TRIM44: variants seen among roughly 807,000 people sequenced by gnomAD.
TRIM44 encodes the protein tripartite motif containing 44.
Under a neutral mutation model 37.4 loss-of-function variants are expected in TRIM44, and 13 were observed. The ratio of observed to expected loss-of-function variants is 0.35; its 90% CI spans 0.23 to 0.55. The LOEUF is 0.55. Ranked by LOEUF, TRIM44 falls within the 20% of genes least tolerant of loss-of-function variation. TRIM44 has a pLI of 0.89. For missense variants in TRIM44, 426 were observed against 437.2 expected, an observed-to-expected ratio of 0.97 and a Z score of 0.23; for synonymous variants, 175 against 157.2, an observed-to-expected ratio of 1.11 and a Z score of -0.85.
At chr11:35,686,602 G>A (rs1165693574) in intron 2 of TRIM44, among the ~76,000 whole-genome samples, 1 of 152,020 alleles carries the variant, frequency 6.6e-6, no homozygotes, top group Non-Finnish European at 1.5e-5. Flanking sequence ...TGATGCCCAG[G>A]TTGGAGTGCA....
chr11:35,685,563 C>T (rs1851565240), intron 2 of TRIM44, among the ~76,000 whole-genome samples: 1 of 152,250 alleles, frequency 6.6e-6, no homozygotes, highest in African/African-American at 2.4e-5. Context: ...TTTCCCTGAA[C>T]TGCAGACAGG....
chr11:35,769,135 G>A (rs975811108), intron 4 of TRIM44, among the ~76,000 whole-genome samples: 4 of 152,134 alleles, frequency 2.6e-5, no homozygotes, highest in Admixed American at 1.3e-4. Flanking sequence ...ACCTGACCCA[G>A]TTCATTGATG....
intron 4 of TRIM44, among the ~76,000 whole-genome samples, chr11:35,792,241 G>A (rs1223616926): frequency 2.6e-5 from 4 of 152,218 alleles, no homozygotes; most frequent in East Asian, 1.9e-4. Flanking sequence ...TTTGTCAGTC[G>A]TTTTCACTGC....
In TRIM44 at chr11:35,816,497, G is replaced by A. The variant is rs1590621238; in HGVS notation, c.*10112G>A. On this transcript the variant is annotated 3_prime_UTR_variant, in exon 5 of 5. Coordinates refer to ENST00000299413, the MANE Select transcript of TRIM44 (RefSeq NM_017583.6). The stretch of plus-strand genomic sequence containing the variant: ...TAATACAATGTAATTGATTTTATGT[G>A]TGTAATTGGGGAACAGAAGGGTCTC... 1 of 152,192 alleles carries A rather than the reference G, an allele frequency of 6.6e-6. No homozygotes were observed. Among genetic ancestry groups the A allele is most frequent in the Non-Finnish European group, 1.5e-5 (1 of 68,028 alleles). The allele number at this position is 152,192 out of a possible 1,614,324, so 9.4% of individuals were successfully genotyped here. A position where few individuals can be genotyped will look rare whatever the true frequency, so the allele number is the denominator to read the frequency against.
chr11:35,792,072 TACACACACACAC>T (rs57127722), intron 4 of TRIM44, among the ~76,000 whole-genome samples: 53 of 136,758 alleles, frequency 3.9e-4, no homozygotes, highest in Middle Eastern at 3.6e-3. Flanking sequence ...GAGTTGCCCC[TACACACACACAC>T]ACACACACAC....
At chr11:35,670,142 C>G (rs1564939068) in intron 1 of TRIM44, among the ~76,000 whole-genome samples, 1 of 152,178 alleles carries the variant, frequency 6.6e-6, no homozygotes, top group Non-Finnish European at 1.5e-5. Flanking sequence ...ATGTTTTACT[C>G]TGAGCATGCC....
At chr11:35,696,786 G>A (rs1446108766) in intron 2 of TRIM44, among the ~76,000 whole-genome samples, 1 of 151,616 alleles carries the variant, frequency 6.6e-6, no homozygotes, top group Non-Finnish European at 1.5e-5. Context: ...GGCGGAGGTT[G>A]CGGTGAGCCG....
chr11:35,797,765 C>T lies in TRIM44; in HGVS notation c.1008-8593C>T, dbSNP rs1159419174. The stretch of plus-strand genomic sequence containing the variant: ...AGAAAAGTCTGAGAAACTGTCAGAG[C>T]CGAGAGGAGCCTATGGAAACTTAAT... On this transcript the variant is annotated intron_variant, in intron 4 of 4. Transcript: ENST00000299413. Among the ~76,000 whole-genome samples the T allele has an allele frequency of 3.3e-5, 5 of 152,100 alleles. No homozygotes were observed. The East Asian group carries it at 9.6e-4, about 29-fold the overall frequency.
intron 1 of TRIM44, among the ~76,000 whole-genome samples, chr11:35,676,653 A>G (rs1166055929): frequency 6.6e-6 from 1 of 152,168 alleles, no homozygotes; most frequent in East Asian, 1.9e-4. Context: ...TTCTGGTTGG[A>G]AAATAGCCTT....
chr11:35,777,354 C>T (rs1244901538), intron 4 of TRIM44, among the ~76,000 whole-genome samples: 1 of 152,138 alleles, frequency 6.6e-6, no homozygotes, highest in Non-Finnish European at 1.5e-5. Context: ...TGTGTCTCTG[C>T]ATGTGAGATG....
intron 4 of TRIM44, among the ~76,000 whole-genome samples, chr11:35,789,773 TC>T (rs760251404): frequency 4.6e-5 from 7 of 152,196 alleles, no homozygotes; most frequent in Non-Finnish European, 1.0e-4. Context: ...TTTACACTGT[TC>T]CTTCTGCCTG....
At chr11:35,717,949 C>T (rs1487621473) in intron 2 of TRIM44, among the ~76,000 whole-genome samples, 1 of 152,016 alleles carries the variant, frequency 6.6e-6, no homozygotes, top group Non-Finnish European at 1.5e-5. Context: ...AGATTTGTCT[C>T]TAATCACATC....
At chr11:35,707,445 C>T (rs1043958694) in intron 2 of TRIM44, among the ~76,000 whole-genome samples, 13 of 152,058 alleles carry the variant, frequency 8.5e-5, no homozygotes, top group South Asian at 4.1e-4. Context: ...AAAAAGAGCC[C>T]GCATCACCAA....
intron 1 of TRIM44, among the ~76,000 whole-genome samples, chr11:35,673,936 A>G (rs1259053831): frequency 6.6e-6 from 1 of 151,886 alleles, no homozygotes; most frequent in East Asian, 2.0e-4. Flanking sequence ...ATTCATCTGT[A>G]TCAGTGCCTC....
At chr11:35,701,611 C>T (rs1349007861) in intron 2 of TRIM44, among the ~76,000 whole-genome samples, 5 of 152,130 alleles carry the variant, frequency 3.3e-5, no homozygotes, top group Admixed American at 3.3e-4. Context: ...GTTACAAGGT[C>T]GAGCTCCCAA....
At chr11:35,792,111 A>ACACACACACACT (rs796092540) in intron 4 of TRIM44, among the ~76,000 whole-genome samples, 4,506 of 113,888 alleles carry the variant, frequency 0.04, 98 homozygotes, top group African/African-American at 0.053. Flanking sequence ...ACACACACAC[A>ACACACACACACT]CTCTCTCTCA....
At chr11:35,769,496 C>A (rs1264221493) in intron 4 of TRIM44, among the ~76,000 whole-genome samples, 1 of 152,126 alleles carries the variant, frequency 6.6e-6, no homozygotes, top group Non-Finnish European at 1.5e-5. Flanking sequence ...TTCTGATGTG[C>A]ATGTTCAGGA....
rs564374051 is a variant in TRIM44 at position 35,799,810 on chromosome 11, G to T, written c.1008-6548G>T. 2.0e-5 allele frequency among the ~76,000 whole-genome samples: 3 copies of T among 152,286 alleles called. No individual in the cohort carries two copies. The South Asian group carries it at 6.2e-4, about 32-fold the overall frequency. On this transcript the variant is annotated intron_variant, in intron 4 of 4. Coordinates refer to ENST00000299413, the MANE Select transcript of TRIM44 (RefSeq NM_017583.6). ...TTGAGTAAGCCCTCTGTGAATAGTG[G>T]CCATTACTGAAAGAGAGAAGGCTCA... is the stretch of plus-strand genomic sequence containing the variant.
At position 35,816,477 on chromosome 11, in the gene TRIM44, C is replaced by T. The variant is rs1303628567; in HGVS notation, c.*10092C>T. 4 of 152,256 alleles carry T rather than the reference C, an allele frequency of 2.6e-5. No homozygotes were observed. Among genetic ancestry groups the T allele is most frequent in the Admixed American group, 6.5e-5 (1 of 15,298 alleles). The allele number at this position is 152,256 out of a possible 1,614,324, so 9.4% of individuals were successfully genotyped here. A position where few individuals can be genotyped will look rare whatever the true frequency, so the allele number is the denominator to read the frequency against. On this transcript the variant is annotated 3_prime_UTR_variant, in exon 5 of 5. Coordinates refer to ENST00000299413, the MANE Select transcript of TRIM44 (RefSeq NM_017583.6). ...TAAACACAACTGGCATCAGATAATA[C>T]AATGTAATTGATTTTATGTGTGTAA...
Sources: allele counts gnomAD v4.1 joint callset (sites outside exome capture counted in the v4.1 genomes callset), GRCh38; gene constraint gnomAD v4.1.1; transcripts MANE v1.5; gene names NCBI Gene and HGNC (gene_info 2026-07-23, HGNC 2026-07-21).